IQCM: variants seen among roughly 807,000 people sequenced by gnomAD.
IQCM encodes IQ motif containing M, also known as IQ domain-containing protein M.
In IQCM, 45 loss-of-function variants were observed where a neutral mutation model predicts 57.6. That is an observed-to-expected ratio of 0.78 (90% CI 0.62 to 1.00). The LOEUF (loss-of-function observed/expected upper bound fraction) is 1.00. Ranked by LOEUF, IQCM falls within the 50% of genes least tolerant of loss-of-function variation. The probability of loss-of-function intolerance (pLI) is 0.00; values close to 1 mark genes in which losing one functional copy is unlikely to be tolerated. For synonymous variants in IQCM, 148 were observed against 158.9 expected, an observed-to-expected ratio of 0.93 and a Z score of 0.51; for missense variants, 468 against 511.6, an observed-to-expected ratio of 0.91 and a Z score of 0.82.
chr4:149,593,992 C>T lies in IQCM; in HGVS notation c.682-5995G>A, dbSNP rs569789517. On this transcript the variant is annotated intron_variant, in intron 8 of 13. Transcript: ENST00000636793. ...CTCATCAAATGAGTTAGGGAGGATT[C>T]CCTCTTTTTCTATTGATTGGAATCG... Among the ~76,000 whole-genome samples, 229 of 152,242 alleles carry T rather than the reference C, an allele frequency of 1.5e-3. 3 individuals carry two copies. The highest frequency in any genetic ancestry group is 0.01 in the Middle Eastern group (3 of 294).
chr4:149,527,408 C>A (rs1746266152), intron 12 of IQCM, among the ~76,000 whole-genome samples: 1 of 152,146 alleles, frequency 6.6e-6, no homozygotes, highest in African/African-American at 2.4e-5. Context: ...TAAATTAAGT[C>A]ATGAGGATGG....
At chr4:149,538,649 G>T (rs1006903395) in intron 12 of IQCM, among the ~76,000 whole-genome samples, 6 of 151,776 alleles carry the variant, frequency 4.0e-5, no homozygotes, top group Admixed American at 6.6e-5. Flanking sequence ...ATTCAAATTT[G>T]CAAATAGGCT....
chr4:149,447,410 T>A lies in IQCM; in HGVS notation c.1229-13853A>T, dbSNP rs1736630147. Reference sequence around the variant, plus strand: ...TAGACAATGATATTAAAAGTTATTATAACTATATTCCACATGTTCAAGAAG... The same window carrying A: ...TAGACAATGATATTAAAAGTTATTAAAACTATATTCCACATGTTCAAGAAG... On this transcript the variant is annotated intron_variant, in intron 12 of 13. Transcript: ENST00000636793. Among the ~76,000 whole-genome samples, 3 of 151,640 alleles carry A rather than the reference T, an allele frequency of 2.0e-5. No homozygotes were observed. The Admixed American group carries it at 2.0e-4, about 10-fold the overall frequency.
intron 2 of IQCM, among the ~76,000 whole-genome samples, chr4:149,804,050 T>A (rs767054527): frequency 1.1e-4 from 16 of 152,018 alleles, no homozygotes; most frequent in Non-Finnish European, 8.8e-5. Flanking sequence ...CTTCCCCACA[T>A]GGAAGGCTAT....
At chr4:149,650,680 G>A (rs577435740) in intron 7 of IQCM, among the ~76,000 whole-genome samples, 6 of 152,110 alleles carry the variant, frequency 3.9e-5, no homozygotes, top group South Asian at 2.1e-4. Flanking sequence ...ATGAACAACC[G>A]CTTCCAGCCT....
intron 12 of IQCM, among the ~76,000 whole-genome samples, chr4:149,507,169 T>A (rs1281141628): frequency 6.6e-6 from 1 of 152,216 alleles, no homozygotes; most frequent in East Asian, 1.9e-4. Context: ...GTAAGTCCAA[T>A]AAACTCTTTC....
At chr4:149,658,770 T>A (rs1185210858) in intron 7 of IQCM, among the ~76,000 whole-genome samples, 2 of 152,160 alleles carry the variant, frequency 1.3e-5, no homozygotes, top group Non-Finnish European at 2.9e-5. Context: ...GAGTTCTTTT[T>A]CAGACAGTTC....
intron 13 of IQCM, among the ~76,000 whole-genome samples, chr4:149,404,646 G>T (rs1222146512): frequency 6.6e-6 from 1 of 151,928 alleles, no homozygotes; most frequent in Non-Finnish European, 1.5e-5. Context: ...AAAGCTAAAG[G>T]AACAAAATTA....
At chr4:149,591,257 T>C (rs1256896038) in intron 8 of IQCM, among the ~76,000 whole-genome samples, 1 of 152,048 alleles carries the variant, frequency 6.6e-6, no homozygotes, top group East Asian at 1.9e-4. Flanking sequence ...TATCATTGGA[T>C]GATTTTTTCT....
At chr4:149,669,658 G>T (rs1046609424) in intron 7 of IQCM, among the ~76,000 whole-genome samples, 14 of 152,120 alleles carry the variant, frequency 9.2e-5, no homozygotes, top group African/African-American at 3.1e-4. Flanking sequence ...TTTGTATAAG[G>T]TGTAAGGAAG....
intron 2 of IQCM, among the ~76,000 whole-genome samples, chr4:149,787,634 A>G (rs771844699): frequency 1.8e-4 from 28 of 152,224 alleles, no homozygotes; most frequent in Non-Finnish European, 3.1e-4. Context: ...TTGGATATCC[A>G]TATGCAGAAG....
chr4:149,399,485 G>A (rs1560803838), intron 13 of IQCM, among the ~76,000 whole-genome samples: 1 of 152,052 alleles, frequency 6.6e-6, no homozygotes, highest in Non-Finnish European at 1.5e-5. Context: ...GAAAAAAAGA[G>A]TGATAGAAGG....
At chr4:149,652,368 C>T (rs1032275399) in intron 7 of IQCM, among the ~76,000 whole-genome samples, 1 of 151,850 alleles carries the variant, frequency 6.6e-6, no homozygotes, top group Admixed American at 6.6e-5. Context: ...ACCCAGATGA[C>T]GGGATGATAG....
intron 5 of IQCM, among the ~76,000 whole-genome samples, chr4:149,726,287 C>T (rs980571368): frequency 6.6e-6 from 1 of 152,136 alleles, no homozygotes. Context: ...GAATAACTCA[C>T]TTCTAACTTC....
intron 10 of IQCM, among the ~76,000 whole-genome samples, chr4:149,560,108 C>G (rs1017131496): frequency 6.6e-6 from 1 of 152,204 alleles, no homozygotes; most frequent in Non-Finnish European, 1.5e-5. Flanking sequence ...TGCTGCTATA[C>G]AAGATGACCT....
At chr4:149,549,840 G>A (rs1453040068) in intron 11 of IQCM, among the ~76,000 whole-genome samples, 1 of 152,140 alleles carries the variant, frequency 6.6e-6, no homozygotes, top group East Asian at 1.9e-4. Context: ...TTAGCTGAGG[G>A]AGATAGCTAT....
chr4:149,555,008 C>T (rs535498502), intron 10 of IQCM, among the ~76,000 whole-genome samples: 1 of 152,266 alleles, frequency 6.6e-6, no homozygotes, highest in South Asian at 2.1e-4. Flanking sequence ...CCATATTACA[C>T]ATTATTTTTC....
chr4:149,609,935 C>T (rs1755131417), intron 8 of IQCM, among the ~76,000 whole-genome samples: 1 of 151,796 alleles, frequency 6.6e-6, no homozygotes, highest in African/African-American at 2.4e-5. Flanking sequence ...AGGAAAAAGT[C>T]AAATTATCCT....
intron 12 of IQCM, among the ~76,000 whole-genome samples, chr4:149,490,564 A>G (rs1167279276): frequency 6.6e-6 from 1 of 152,088 alleles, no homozygotes; most frequent in Non-Finnish European, 1.5e-5. Flanking sequence ...TTTATCCCTG[A>G]CTACTCTTTA....
Sources: allele counts gnomAD v4.1 joint callset (sites outside exome capture counted in the v4.1 genomes callset), GRCh38; gene constraint gnomAD v4.1.1; transcripts MANE v1.5; gene names NCBI Gene and HGNC (gene_info 2026-07-23, HGNC 2026-07-21).